RAPH1: variants seen among roughly 807,000 people sequenced by gnomAD.
RAPH1 encodes the protein ras-associated and pleckstrin homology domains-containing protein 1.
Under a neutral mutation model 88.1 loss-of-function variants are expected in RAPH1, and 18 were observed. The observed-to-expected ratio is 0.20, with a 90% CI of 0.14 to 0.30. The LOEUF is 0.30. Among genes scored for constraint, RAPH1 ranks in the 10% least tolerant of loss-of-function variants. RAPH1 has a pLI of 1.00. For synonymous variants in RAPH1, 587 were observed against 559.0 expected (o/e 1.05, Z -0.71); for missense variants, 1,448 against 1,543.2 (o/e 0.94, Z 1.03).
In RAPH1 at chr2:203,445,029, T is replaced by TA. The variant is rs2098508232; in HGVS notation, c.1634-20dup. Reference sequence around the variant, plus strand: ...TGAGACTCTGTTTAAAATAGTTTTTTAAACATAGGTTTAAAAGAGTCAGTA... The same window carrying TA: ...TGAGACTCTGTTTAAAATAGTTTTTTAAAACATAGGTTTAAAAGAGTCAGTA... On this transcript the variant is annotated intron_variant, in intron 12 of 13. Transcript: ENST00000319170. 1 of 1,607,826 alleles carries TA rather than the reference T, an allele frequency of 6.2e-7. No individual in the cohort carries two copies. Among genetic ancestry groups the TA allele is most frequent in the Middle Eastern group, 1.7e-4 (1 of 6,032 alleles).
intron 4 of RAPH1, among the ~76,000 whole-genome samples, chr2:203,465,839 CT>C (rs2098528007): frequency 6.6e-6 from 1 of 152,220 alleles, no homozygotes; most frequent in African/African-American, 2.4e-5. Flanking sequence ...GATCACACCA[CT>C]ATACTCCAGC....
intron 4 of RAPH1, among the ~76,000 whole-genome samples, chr2:203,487,509 C>A (rs535648651): frequency 2.0e-5 from 3 of 152,130 alleles, no homozygotes; most frequent in African/African-American, 7.2e-5. Flanking sequence ...CCCTCCCGAG[C>A]AGCTGGGATT....
At chr2:203,470,983 TAATTC>T (rs1421631453) in intron 4 of RAPH1, among the ~76,000 whole-genome samples, 4 of 152,208 alleles carry the variant, frequency 2.6e-5, no homozygotes, top group Admixed American at 1.3e-4. Flanking sequence ...ACACTTAAAT[TAATTC>T]AAGTAACTGT....
chr2:203,523,931 G>A (rs1690003703), intron 1 of RAPH1, among the ~76,000 whole-genome samples: 1 of 152,130 alleles, frequency 6.6e-6, no homozygotes, highest in Non-Finnish European at 1.5e-5. Flanking sequence ...TTGAACCTGG[G>A]AGGTGGAAGT....
chr2:203,490,975 C>G (rs985732383), intron 3 of RAPH1, among the ~76,000 whole-genome samples: 1 of 146,260 alleles, frequency 6.8e-6, no homozygotes, highest in African/African-American at 2.5e-5. Context: ...ACCTGGGAGG[C>G]AGAGGTTGCA....
At chr2:203,505,725 C>T (rs1167698478) in intron 1 of RAPH1, among the ~76,000 whole-genome samples, 1 of 151,994 alleles carries the variant, frequency 6.6e-6, no homozygotes, top group Non-Finnish European at 1.5e-5. Flanking sequence ...GTTTATATTC[C>T]AGATTCTCAA....
intron 4 of RAPH1, among the ~76,000 whole-genome samples, chr2:203,485,225 G>A (rs1172915459): frequency 1.3e-5 from 2 of 151,968 alleles, no homozygotes; most frequent in African/African-American, 2.4e-5. Context: ...CCAACATGGC[G>A]AAACCCTGTC....
chr2:203,514,050 G>T (rs1329201058), intron 1 of RAPH1, among the ~76,000 whole-genome samples: 1 of 151,844 alleles, frequency 6.6e-6, no homozygotes, highest in South Asian at 2.1e-4. Context: ...ATCATGTTGG[G>T]CAGGCTGGTC....
chr2:203,454,463 G>A lies in RAPH1; in HGVS notation c.1380C>T (p.Tyr460=). The A allele has an allele frequency of 6.2e-7, 1 of 1,613,354 alleles. No individual in the cohort carries two copies. Among genetic ancestry groups the A allele is most frequent in the Non-Finnish European group, 8.5e-7 (1 of 1,179,668 alleles). ...CCAGACAATAGTCTGTAGGTGCTTT[G>A]TATTTGTTCCGATAGTCCTGGCCAT... is the stretch of plus-strand genomic sequence containing the variant. The part of the protein sequence containing the change: ...VYYGQDYRNK[Y]KAPTDYCLVL... The change falls in exon 10 of 14, where the codon TAC becomes TAT. Residue 460 remains tyrosine (Y), a synonymous_variant. Transcript: ENST00000319170.
At chr2:203,532,663 C>G (rs1690441892) in intron 1 of RAPH1, among the ~76,000 whole-genome samples, 1 of 152,112 alleles carries the variant, frequency 6.6e-6, no homozygotes. Context: ...GTACGTCATA[C>G]AGTGGCCACT....
Position 203,435,333 on chromosome 2 carries a change from C to G in RAPH1, c.*4104G>C, listed in dbSNP as rs189702169. ...ATCACTTGTGGCCAGGAGTTTGAGA[C>G]CAGCCTGGGCAACACAGTGAGACCC... On this transcript the variant is annotated 3_prime_UTR_variant, in exon 14 of 14. Coordinates refer to ENST00000319170, the MANE Select transcript of RAPH1 (RefSeq NM_213589.3). The G allele has an allele frequency of 2.1e-4, 31 of 149,434 alleles. 1 individual carries two copies. Among genetic ancestry groups the G allele is most frequent in the African/African-American group, 6.9e-4 (28 of 40,424 alleles). The allele number at this position is 149,434 out of a possible 1,614,324, so 9.3% of individuals were successfully genotyped here.
At chr2:203,519,940 A>G (rs1689788597) in intron 1 of RAPH1, among the ~76,000 whole-genome samples, 1 of 152,218 alleles carries the variant, frequency 6.6e-6, no homozygotes, top group South Asian at 2.1e-4. Flanking sequence ...GAGTGAATAA[A>G]CAGAAACAGT....
chr2:203,466,360 A>T (rs1051535138), intron 4 of RAPH1, among the ~76,000 whole-genome samples: 1 of 152,180 alleles, frequency 6.6e-6, no homozygotes, highest in Non-Finnish European at 1.5e-5. Context: ...TGTCTAATGT[A>T]TTTAAGCAAT....
At chr2:203,470,107 TA>T (rs1230303968) in intron 4 of RAPH1, 2 of 559,794 alleles carry the variant, frequency 3.6e-6, no homozygotes, top group African/African-American at 3.9e-5. Context: ...TTACCATCTG[TA>T]AAAGAAAAAG....
chr2:203,493,949 C>A (rs1446783486), intron 2 of RAPH1, among the ~76,000 whole-genome samples: 1 of 114,108 alleles, frequency 8.8e-6, no homozygotes, highest in South Asian at 2.8e-4. Flanking sequence ...CCAGCCTGGG[C>A]GACAGGAGTG....
intron 4 of RAPH1, among the ~76,000 whole-genome samples, chr2:203,472,020 A>G (rs1204315211): frequency 6.6e-6 from 1 of 152,166 alleles, no homozygotes; most frequent in Admixed American, 6.5e-5. Flanking sequence ...TGAAAATTCA[A>G]TTTAGTTTGA....
rs2153641772 is a variant in RAPH1, at chr2:203,461,560, A to ATCAG, written c.811-153_811-152insCTGA. On this transcript the variant is annotated intron_variant, in intron 5 of 13. Coordinates refer to ENST00000319170, the MANE Select transcript of RAPH1 (RefSeq NM_213589.3). ...TCATTATGCAAAAATATAGGCTAAA[A>ATCAG]ATCAGACATCAAATAACCTGTAAGT... is the stretch of plus-strand genomic sequence containing the variant. 1.5e-5 allele frequency: 8 copies of ATCAG among 530,998 alleles called. No individual in the cohort carries two copies. In the South Asian group the frequency reaches 3.1e-4, roughly 20 times the overall value. 32.9% of individuals were successfully genotyped at this position (530,998 alleles called of 1,614,324 possible).
At chr2:203,529,523 G>A (rs571484741) in intron 1 of RAPH1, among the ~76,000 whole-genome samples, 51 of 152,078 alleles carry the variant, frequency 3.4e-4, no homozygotes, top group South Asian at 6.2e-4. Context: ...CACCACGCCC[G>A]ACTAATTTTT....
chr2:203,507,659 G>A (rs1689147993), intron 1 of RAPH1, among the ~76,000 whole-genome samples: 1 of 152,160 alleles, frequency 6.6e-6, no homozygotes, highest in Non-Finnish European at 1.5e-5. Context: ...TTTCAATAAT[G>A]TGATGGCCAA....
Sources: allele counts gnomAD v4.1 joint callset (sites outside exome capture counted in the v4.1 genomes callset), GRCh38; gene constraint gnomAD v4.1.1; transcripts MANE v1.5; gene names NCBI Gene and HGNC (gene_info 2026-07-23, HGNC 2026-07-21).